Variants in KCNH1 observed in about 807,000 individuals in gnomAD.
The protein encoded by KCNH1 is potassium voltage-gated channel subfamily H member 1, also known as voltage-gated delayed rectifier potassium channel KCNH1.
In KCNH1, 27 loss-of-function variants were observed where a neutral mutation model predicts 69.2. That is an observed-to-expected ratio of 0.39 (90% CI 0.29 to 0.54). The LOEUF (loss-of-function observed/expected upper bound fraction) is 0.54, where lower values mean the gene tolerates loss of function less well. Among genes scored for constraint, KCNH1 ranks in the 20% least tolerant of loss-of-function variants. The pLI, the probability that KCNH1 is intolerant of heterozygous loss-of-function variation, is 0.68. For missense variants in KCNH1, 798 were observed against 1,261.6 expected (o/e 0.63, Z 5.57); for synonymous variants, 456 against 487.7 (o/e 0.93, Z 0.86).
At chr1:210,974,314 A>G (rs989049655) in intron 6 of KCNH1, among the ~76,000 whole-genome samples, 1 of 152,140 alleles carries the variant, frequency 6.6e-6, no homozygotes, top group African/African-American at 2.4e-5. Flanking sequence ...ATATTAATAC[A>G]GTATATTACA....
In KCNH1 at chr1:210,717,541, T is replaced by C. The variant is rs982382741; in HGVS notation, c.2113-33403A>G. On this transcript the variant is annotated intron_variant, in intron 10 of 10. Coordinates refer to ENST00000271751, the MANE Select transcript of KCNH1 (RefSeq NM_172362.3). ...GTAAGAAGCCCTGGCTCCAGGTTCA[T>C]AGATCCAAACGGCTAGGAACACTCC... Among the ~76,000 whole-genome samples the C allele has an allele frequency of 1.1e-4, 17 of 152,324 alleles. No homozygotes were observed. In the East Asian group the frequency reaches 2.7e-3, roughly 24 times the overall value.
At chr1:210,818,965 C>T (rs553018394) in intron 7 of KCNH1, among the ~76,000 whole-genome samples, 1 of 152,326 alleles carries the variant, frequency 6.6e-6, no homozygotes, top group South Asian at 2.1e-4. Context: ...ACCTCATCCA[C>T]GTCTGTGAGC....
chr1:210,982,734 G>C (rs1441473983), intron 6 of KCNH1, among the ~76,000 whole-genome samples: 1 of 152,130 alleles, frequency 6.6e-6, no homozygotes, highest in Non-Finnish European at 1.5e-5. Flanking sequence ...AAACATACGT[G>C]TGCATGTGTC....
At chr1:210,788,877 TAGTA>T (rs1684160271) in intron 9 of KCNH1, among the ~76,000 whole-genome samples, 1 of 148,442 alleles carries the variant, frequency 6.7e-6, no homozygotes, top group African/African-American at 2.5e-5. Flanking sequence ...TTTGTATTTT[TAGTA>T]GAGACGGGGT....
Position 210,723,740 on chromosome 1 carries a change from CA to C in KCNH1, c.2113-39603del, listed in dbSNP as rs201192403. 8.1e-3 allele frequency among the ~76,000 whole-genome samples: 1,239 copies of C among 152,186 alleles called. 15 individuals are homozygous for C. The highest frequency in any genetic ancestry group is 0.028 in the African/African-American group (1,152 of 41,524). On this transcript the variant is annotated intron_variant, in intron 10 of 10. Coordinates refer to ENST00000271751, the MANE Select transcript of KCNH1 (RefSeq NM_172362.3). Reference sequence around the variant, plus strand: ...CCAAAAAACCCCAACAATTCTCAAACAAAAAACAAGCAAGTTAACCATGGAG... The same window carrying C: ...CCAAAAAACCCCAACAATTCTCAAACAAAAACAAGCAAGTTAACCATGGAG...
rs142937567 is a variant in KCNH1 at position 210,718,043 on chromosome 1, G to A, written c.2113-33905C>T. ...AATTGCTTGAACCCAGGAGGTGGCG[G>A]TTGCAGTGAGCTGAGATTGCACTAC... On this transcript the variant is annotated intron_variant, in intron 10 of 10. Transcript: ENST00000271751. Among the ~76,000 whole-genome samples, 745 of 151,916 alleles carry A rather than the reference G, an allele frequency of 4.9e-3. 4 individuals carry two copies. Among genetic ancestry groups the A allele is most frequent in the Non-Finnish European group, 8.8e-3 (595 of 67,964 alleles).
chr1:210,862,728 G>A (rs185782778), intron 7 of KCNH1, among the ~76,000 whole-genome samples: 1 of 152,312 alleles, frequency 6.6e-6, no homozygotes, highest in African/African-American at 2.4e-5. Flanking sequence ...GAGTTACTGT[G>A]CTAGATGCTG....
intron 8 of KCNH1, among the ~76,000 whole-genome samples, chr1:210,800,007 T>A (rs1684399003): frequency 6.6e-6 from 1 of 152,216 alleles, no homozygotes; most frequent in South Asian, 2.1e-4. Flanking sequence ...AACATTGACT[T>A]GTGAGAATTA....
intron 1 of KCNH1, among the ~76,000 whole-genome samples, chr1:211,114,792 T>G (rs2102492553): frequency 6.6e-6 from 1 of 152,304 alleles, no homozygotes; most frequent in Non-Finnish European, 1.5e-5. Context: ...AACAGAAACC[T>G]AATTTTAAGC....
intron 1 of KCNH1, among the ~76,000 whole-genome samples, chr1:211,128,618 T>C (rs4951720): frequency 0.13 from 20,391 of 152,142 alleles, 1,434 homozygotes; most frequent in South Asian, 0.21. Context: ...CAGGTGGCGA[T>C]GGCATACAGT....
At chr1:210,945,360 C>A (rs1371440493) in intron 6 of KCNH1, among the ~76,000 whole-genome samples, 1 of 152,174 alleles carries the variant, frequency 6.6e-6, no homozygotes, top group Non-Finnish European at 1.5e-5. Flanking sequence ...CTCATGATTC[C>A]TGTAAGTTAG....
intron 10 of KCNH1, among the ~76,000 whole-genome samples, chr1:210,740,664 CA>C (rs1683002549): frequency 1.3e-5 from 2 of 150,534 alleles, no homozygotes; most frequent in Admixed American, 1.3e-4. Context: ...CTCTTTCCCC[CA>C]ACTTTGAGAA....
intron 9 of KCNH1, among the ~76,000 whole-genome samples, chr1:210,790,540 C>T (rs1277905469): frequency 6.6e-6 from 1 of 152,158 alleles, no homozygotes; most frequent in Non-Finnish European, 1.5e-5. Context: ...TACAAGATAC[C>T]CAGTTAAAAT....
At chr1:211,127,515 C>G (rs974379809) in intron 1 of KCNH1, among the ~76,000 whole-genome samples, 1 of 151,954 alleles carries the variant, frequency 6.6e-6, no homozygotes, top group African/African-American at 2.4e-5. Flanking sequence ...CATTTACAAT[C>G]GTGTGTGAGG....
intron 10 of KCNH1, among the ~76,000 whole-genome samples, chr1:210,706,718 CAAT>C (rs1681922061): frequency 6.6e-6 from 1 of 152,210 alleles, no homozygotes; most frequent in African/African-American, 2.4e-5. Flanking sequence ...AAATAGAAGG[CAAT>C]AAAAACACTT....
chr1:210,714,702 T>A (rs930302653), intron 10 of KCNH1, among the ~76,000 whole-genome samples: 2 of 152,206 alleles, frequency 1.3e-5, no homozygotes, highest in Non-Finnish European at 2.9e-5. Context: ...CATGATACCA[T>A]CCCTGCCTTC....
intron 6 of KCNH1, among the ~76,000 whole-genome samples, chr1:210,985,030 G>C (rs996523184): frequency 2.6e-5 from 4 of 152,116 alleles, no homozygotes; most frequent in Admixed American, 2.6e-4. Flanking sequence ...TATATGTCGA[G>C]GAATTTATCC....
chr1:211,070,334 C>T (rs1001677514), intron 5 of KCNH1, among the ~76,000 whole-genome samples: 5 of 151,624 alleles, frequency 3.3e-5, no homozygotes, highest in African/African-American at 1.2e-4. Context: ...AGGAGAATGG[C>T]GTGAGCCCGG....
chr1:210,978,125 G>A (rs548403846), intron 6 of KCNH1, among the ~76,000 whole-genome samples: 20 of 149,764 alleles, frequency 1.3e-4, no homozygotes, highest in Admixed American at 6.7e-4. Flanking sequence ...TGCAAGCTCC[G>A]CCTCCCTGGT....
Sources: allele counts gnomAD v4.1 joint callset (sites outside exome capture counted in the v4.1 genomes callset), GRCh38; gene constraint gnomAD v4.1.1; transcripts MANE v1.5; gene names NCBI Gene and HGNC (gene_info 2026-07-23, HGNC 2026-07-21).